FAT2: variants seen among roughly 807,000 people sequenced by gnomAD.
FAT2 encodes the protein protocadherin Fat 2.
A neutral mutation model predicts 295.3 loss-of-function variants in FAT2; 150 were observed. The ratio of observed to expected loss-of-function variants is 0.51; its 90% CI spans 0.44 to 0.58. The LOEUF (loss-of-function observed/expected upper bound fraction) is 0.58, where lower values mean the gene tolerates loss of function less well. Among genes scored for constraint, FAT2 ranks in the 20% least tolerant of loss-of-function variants. The pLI is 0.00. For missense variants in FAT2, 4,868 were observed against 5,442.7 expected (o/e 0.89, Z 3.32); for synonymous variants, 2,026 against 2,150.3 (o/e 0.94, Z 1.60).
chr5:151,546,235 T>G lies in FAT2; in HGVS notation c.4892A>C (p.Lys1631Thr), dbSNP rs1756619317. The G allele has an allele frequency of 6.2e-7, 1 of 1,614,116 alleles. No individual in the cohort carries two copies. Among genetic ancestry groups the G allele is most frequent in the African/African-American group, 1.3e-5 (1 of 75,040 alleles). ...ANHAPHTLTV[K>T]AEDQGSPQWH... is the part of the protein sequence containing the mutation. Reference sequence around the variant, plus strand: ...TTGTGGGGAGCCTTGATCTTCTGCCTTCACTGTCAGAGTATGTGGGGCATG... The same window carrying G: ...TTGTGGGGAGCCTTGATCTTCTGCCGTCACTGTCAGAGTATGTGGGGCATG... Residue 1631 changes from lysine to threonine, a missense_variant, in exon 10 of 24, where the codon AAG (lysine) becomes ACG (threonine). Lys to Thr is a moderately conservative substitution (Grantham distance 78). This residue lies in a region of FAT2 where 3,297 missense variants were observed against 3,669.4 expected (regional missense o/e 0.90). Transcript: ENST00000261800.
At chr5:151,514,441 T>C (rs776148415) in intron 20 of FAT2, among the ~76,000 whole-genome samples, 5 of 152,206 alleles carry the variant, frequency 3.3e-5, no homozygotes, top group Non-Finnish European at 7.3e-5. Flanking sequence ...CTTTCTTACT[T>C]CGTAGAACTC....
intron 1 of FAT2, among the ~76,000 whole-genome samples, chr5:151,584,286 C>T (rs953742165): frequency 1.3e-5 from 2 of 152,134 alleles, no homozygotes; most frequent in African/African-American, 2.4e-5. Flanking sequence ...GGCCTGCCCA[C>T]ACAGAACCGC....
chr5:151,539,763 A>G (rs1257007094), intron 11 of FAT2, among the ~76,000 whole-genome samples: 5 of 152,244 alleles, frequency 3.3e-5, no homozygotes, highest in African/African-American at 4.8e-5. Flanking sequence ...TTGTTGGTTT[A>G]TGCCTCTAGG....
At chr5:151,592,589 C>T (rs2127668175), upstream of FAT2, among the ~76,000 whole-genome samples, 1 of 152,326 alleles carries the variant, frequency 6.6e-6, no homozygotes, top group African/African-American at 2.4e-5. Flanking sequence ...GCAACTCTTC[C>T]ACCTGGTTAA....
intron 1 of FAT2, among the ~76,000 whole-genome samples, chr5:151,587,554 A>C (rs1017204325): frequency 6.6e-6 from 1 of 151,180 alleles, no homozygotes; most frequent in Non-Finnish European, 1.5e-5. Flanking sequence ...TTCAGTGCCA[A>C]CTCCTCCAAG....
At chr5:151,590,002 CCA>C (rs1435508160) in intron 1 of FAT2, among the ~76,000 whole-genome samples, 1 of 152,194 alleles carries the variant, frequency 6.6e-6, no homozygotes, top group African/African-American at 2.4e-5. Flanking sequence ...CCGTCCTAGG[CCA>C]CACAGCCTGT....
At chr5:151,526,514 G>A (rs1753995615) in intron 17 of FAT2, among the ~76,000 whole-genome samples, 1 of 152,136 alleles carries the variant, frequency 6.6e-6, no homozygotes, top group South Asian at 2.1e-4. Flanking sequence ...ATAACACAAT[G>A]GTTGCTAACT....
chr5:151,588,093 C>T (rs1164580504), intron 1 of FAT2, among the ~76,000 whole-genome samples: 1 of 152,114 alleles, frequency 6.6e-6, no homozygotes, highest in Non-Finnish European at 1.5e-5. Context: ...TATCTGTTGA[C>T]TCACTGGCAA....
At position 151,553,253 on chromosome 5, in the gene FAT2, C is replaced by T. The variant is rs955006118; in HGVS notation, c.4080G>A (p.Glu1360=). Residue 1360 remains glutamate, a synonymous_variant, in exon 6 of 24, where the codon GAG becomes GAA. Transcript: ENST00000261800. ...DETYYSFTVM[E]TDPVNHMVGV... is the part of the protein sequence containing the mutation. ...CCACCATGTGGTTCACAGGGTCCGT[C>T]TCCATGACCGTAAAGCTGTAGTAGG... is the stretch of plus-strand genomic sequence containing the variant. The T allele has an allele frequency of 2.5e-5, 41 of 1,614,250 alleles. No homozygotes were observed. The highest frequency in any genetic ancestry group is 3.4e-5 in the Non-Finnish European group (40 of 1,180,044).
chr5:151,562,507 AG>A (rs1346018166), intron 3 of FAT2, among the ~76,000 whole-genome samples: 2 of 152,106 alleles, frequency 1.3e-5, no homozygotes, highest in Non-Finnish European at 2.9e-5. Flanking sequence ...GTAACACAAC[AG>A]GGGATGGCAG....
intron 1 of FAT2, 139 bp from the exon 2 acceptor site, chr5:151,569,090 G>T (rs1018916617): frequency 2.5e-6 from 2 of 812,162 alleles, no homozygotes; most frequent in Non-Finnish European, 3.8e-6. Context: ...ACCCAGCTTG[G>T]GAGTGGTGGT....
intron 19 of FAT2, among the ~76,000 whole-genome samples, chr5:151,518,368 A>ATTATTACTATTATT (rs775348701): frequency 1.2e-5 from 1 of 82,382 alleles, no homozygotes; most frequent in South Asian, 5.8e-4. Flanking sequence ...TAATAATAAT[A>ATTATTACTATTATT]ATAATAATTT....
rs35225143 is a variant in FAT2, at chr5:151,567,219, C to T, written c.1713G>A (p.Gly571=). 6.2e-7 allele frequency: 1 copy of T among 1,614,096 alleles called. No homozygotes were observed. Among genetic ancestry groups the T allele is most frequent in the East Asian group, 2.2e-5 (1 of 44,890 alleles). The change falls in exon 2 of 24, where the codon GGG becomes GGA. Residue 571 remains glycine, a synonymous_variant. Coordinates refer to ENST00000261800, the MANE Select transcript of FAT2 (RefSeq NM_001447.3). ...QPMFEEVNCT[G]SIRQDWPVGK... Reference sequence around the variant, plus strand: ...CTACTGGCCAGTCTTGGCGGATAGACCCTGTACAGTTGACTTCTTCAAACA... The same window carrying T: ...CTACTGGCCAGTCTTGGCGGATAGATCCTGTACAGTTGACTTCTTCAAACA...
rs2127650600 is a variant in FAT2 at position 151,568,699 on chromosome 5, A to T, written c.233T>A (p.Val78Glu). The T allele has an allele frequency of 3.1e-6, 5 of 1,614,168 alleles. No homozygotes were observed. Among genetic ancestry groups the T allele is most frequent in the Non-Finnish European group, 4.2e-6 (5 of 1,180,022 alleles). ...CTCCTCAGTTTTAAATACATTGGCC[A>T]CATCCCCAGAGATGATCCGGTACCT... is the stretch of plus-strand genomic sequence containing the variant. Reference protein sequence around the residue: ...AVRYRIISGDVANVFKTEEYV... With the variant: ...AVRYRIISGDEANVFKTEEYV... Residue 78 changes from valine (V) to glutamate (E), a missense_variant, in exon 2 of 24, where the codon GTG becomes GAG. Transcript: ENST00000261800.
In FAT2 at chr5:151,544,691, G is replaced by A. The variant is rs375836469; in HGVS notation, c.6436C>T (p.Arg2146Trp). The A allele has an allele frequency of 5.6e-6, 9 of 1,614,142 alleles. No individual in the cohort carries two copies. Among genetic ancestry groups the A allele is most frequent in the South Asian group, 1.1e-5 (1 of 91,076 alleles). The change falls in exon 10 of 24, where the codon CGG (arginine) becomes TGG (tryptophan). Residue 2146 changes from arginine to tryptophan, a missense_variant. Around this residue, in one of 5 missense-constraint regions of FAT2, gnomAD observed 3,297 missense variants for 3,669.4 expected, o/e 0.90. Transcript: ENST00000261800. ...TGGAGGGATGGCGTTCCTCCATCCC[G>A]AGCAATGACTTTGAGGTGATATTTA... ...LNKYHLKVIARDGGTPSLQSE... is the reference protein window; with the variant it reads ...LNKYHLKVIAWDGGTPSLQSE...
intron 8 of FAT2, 141 bp from the exon 9 acceptor site, chr5:151,549,646 C>T (rs1489704954): frequency 7.6e-6 from 5 of 660,520 alleles, no homozygotes; most frequent in Non-Finnish European, 1.3e-5. Context: ...AAATGTTGTT[C>T]TAATCTATAT....
chr5:151,519,799 T>A (rs1183815039), intron 19 of FAT2, among the ~76,000 whole-genome samples: 1 of 152,204 alleles, frequency 6.6e-6, no homozygotes, highest in Non-Finnish European at 1.5e-5. Flanking sequence ...TGGTGATCCA[T>A]GAGTTTATCT....
Position 151,566,265 on chromosome 5 carries a change from G to T in FAT2, c.2667C>A (p.Tyr889Ter). ...GATCCCTGGCCTCCACCTTGAGTATGTACCGAGGCTCTGATTCGCGGTCCA... is the reference window on the plus strand; with the variant it reads ...GATCCCTGGCCTCCACCTTGAGTATTTACCGAGGCTCTGATTCGCGGTCCA... ...GHLDRESEPR[Y>*]ILKVEARDQP... The change falls in exon 2 of 24, where the codon TAC (tyrosine) becomes TAA (stop). Residue 889 changes from tyrosine to a stop codon, truncating the protein, a stop_gained. Transcript: ENST00000261800. LOFTEE classifies it high-confidence loss of function. 1 of 1,614,160 alleles carries T rather than the reference G, an allele frequency of 6.2e-7. No homozygotes were observed. The highest frequency in any genetic ancestry group is 8.5e-7 in the Non-Finnish European group (1 of 1,180,038).
chr5:151,526,499 A>G (rs757283202), intron 17 of FAT2, among the ~76,000 whole-genome samples: 2 of 152,198 alleles, frequency 1.3e-5, no homozygotes, highest in Admixed American at 6.5e-5. Context: ...GGCATTTAGT[A>G]TACTATAACA....
Sources: allele counts gnomAD v4.1 joint callset (sites outside exome capture counted in the v4.1 genomes callset), GRCh38; gene constraint gnomAD v4.1.1; regional missense constraint gnomAD v4.1.1; transcripts MANE v1.5; gene names NCBI Gene and HGNC (gene_info 2026-07-23, HGNC 2026-07-21).